Variants in NTRK3 observed in about 807,000 individuals in gnomAD.
The protein encoded by NTRK3 is neurotrophic receptor tyrosine kinase 3, also known as NT-3 growth factor receptor.
NTRK3 carries 24 observed loss-of-function variants against 91.7 expected under a neutral mutation model. The ratio of observed to expected loss-of-function variants is 0.26; its 90% CI spans 0.19 to 0.37. The LOEUF is 0.37. Among genes scored for constraint, NTRK3 ranks in the 10% least tolerant of loss-of-function variants. NTRK3 has a pLI of 1.00. For missense variants in NTRK3, 880 were observed against 1,068.9 expected, an observed-to-expected ratio of 0.82 and a Z score of 2.46; for synonymous variants, 483 against 404.0, an observed-to-expected ratio of 1.20 and a Z score of -2.34.
chr15:87,885,022 C>A (rs1470652062), intron 17 of NTRK3, among the ~76,000 whole-genome samples: 1 of 151,758 alleles, frequency 6.6e-6, no homozygotes, highest in African/African-American at 2.4e-5. Flanking sequence ...CTATTCAAGA[C>A]AATTAACGAA....
At chr15:87,867,422 A>G (rs927196876) in exon 19 of NTRK3, 2 of 229,910 alleles carry the variant, frequency 8.7e-6, no homozygotes, top group Non-Finnish European at 1.7e-5. Context: ...CTGCCATAAA[A>G]CAAAAATGGG....
chr15:88,124,198 C>G (rs1233902008), intron 13 of NTRK3, among the ~76,000 whole-genome samples: 1 of 152,176 alleles, frequency 6.6e-6, no homozygotes, highest in Non-Finnish European at 1.5e-5. Context: ...GCCTATAACT[C>G]CAGTATAACT....
At chr15:88,222,716 G>A (rs1332746828) in intron 3 of NTRK3, among the ~76,000 whole-genome samples, 1 of 152,208 alleles carries the variant, frequency 6.6e-6, no homozygotes, top group Admixed American at 6.5e-5. Flanking sequence ...GTGATTGACT[G>A]CTTCCTGGAG....
rs2051539330 is a variant in NTRK3 at position 88,234,800 on chromosome 15, C to T, written c.248+21106G>A. ...CTAGGACTAAAATCTAACCCCTTCCCACAGCCTGCATGACCCTGCTTGATC... is the reference window on the plus strand; with the variant it reads ...CTAGGACTAAAATCTAACCCCTTCCTACAGCCTGCATGACCCTGCTTGATC... On this transcript the variant is annotated intron_variant, in intron 3 of 18. Transcript: ENST00000394480. The surrounding 1 kb of genome is among the most constrained non-coding windows in gnomAD (Gnocchi z 6.1). Among the ~76,000 whole-genome samples, 1 of 152,198 alleles carries T rather than the reference C, an allele frequency of 6.6e-6. No homozygotes were observed. The highest frequency in any genetic ancestry group is 2.1e-4 in the South Asian group (1 of 4,834).
chr15:88,194,340 C>T (rs1016278175), intron 3 of NTRK3, among the ~76,000 whole-genome samples: 1 of 152,258 alleles, frequency 6.6e-6, no homozygotes, highest in African/African-American at 2.4e-5. Context: ...CGTCCTTGTG[C>T]TGATAGCACT....
intron 7 of NTRK3, 152 bp downstream of exon 7, chr15:88,137,252 A>G: frequency 1.2e-6 from 1 of 821,734 alleles, no homozygotes; most frequent in Non-Finnish European, 2.0e-6. Context: ...GGGAATGATG[A>G]GTCAGGAGGT....
At chr15:87,919,908 T>G (rs761325230) in intron 17 of NTRK3, among the ~76,000 whole-genome samples, 5 of 152,200 alleles carry the variant, frequency 3.3e-5, no homozygotes, top group Non-Finnish European at 5.9e-5. Flanking sequence ...TAAGACAACT[T>G]TGACGTTATT....
chr15:87,941,132 T>C (rs2069801061), intron 14 of NTRK3, among the ~76,000 whole-genome samples: 1 of 152,114 alleles, frequency 6.6e-6, no homozygotes, highest in Non-Finnish European at 1.5e-5. Flanking sequence ...AAAATGAAGA[T>C]TCTAATCCAG....
intron 17 of NTRK3, among the ~76,000 whole-genome samples, chr15:87,883,388 T>C (rs1273791301): frequency 1.3e-5 from 2 of 148,422 alleles, no homozygotes; most frequent in Non-Finnish European, 3.0e-5. Flanking sequence ...ATAATACATA[T>C]ATATGTATAT....
At chr15:88,159,943 TACACACACAC>T (rs59254719) in intron 5 of NTRK3, among the ~76,000 whole-genome samples, 2,039 of 112,034 alleles carry the variant, frequency 0.018, 50 homozygotes, top group African/African-American at 0.054. Flanking sequence ...CCCAGCCTCC[TACACACACAC>T]ACACACACAC....
intron 17 of NTRK3, among the ~76,000 whole-genome samples, chr15:87,893,442 C>A (rs1041610587): frequency 6.6e-6 from 1 of 152,202 alleles, no homozygotes; most frequent in African/African-American, 2.4e-5. Flanking sequence ...CAGAATGCCC[C>A]GCATGGCAGT....
At chr15:87,978,108 G>A (rs556313499) in intron 14 of NTRK3, 127 of 231,350 alleles carry the variant, frequency 5.5e-4, no homozygotes, top group Non-Finnish European at 8.7e-4. Context: ...CTCCACCAAT[G>A]AGTCAGCAAA....
At chr15:88,143,683 T>C (rs1318988410) in intron 6 of NTRK3, among the ~76,000 whole-genome samples, 1 of 152,136 alleles carries the variant, frequency 6.6e-6, no homozygotes, top group Admixed American at 6.5e-5. Context: ...AGGCCAGAAA[T>C]GATCACTATA....
At chr15:88,165,168 T>A (rs535722725) in intron 5 of NTRK3, among the ~76,000 whole-genome samples, 3 of 152,208 alleles carry the variant, frequency 2.0e-5, no homozygotes, top group Non-Finnish European at 4.4e-5. Flanking sequence ...GGCATGTGGA[T>A]GCATGGGCCT....
chr15:88,021,668 G>A (rs1186647233), intron 14 of NTRK3, among the ~76,000 whole-genome samples: 1 of 152,160 alleles, frequency 6.6e-6, no homozygotes, highest in Non-Finnish European at 1.5e-5. Context: ...CTGGAGAGAA[G>A]ATGGAAGAGC....
In NTRK3 at chr15:88,233,713, C is replaced by A. The variant is rs2051415187; in HGVS notation, c.248+22193G>T. 6.6e-6 allele frequency among the ~76,000 whole-genome samples: 1 copy of A among 152,030 alleles called. No individual in the cohort carries two copies. Among genetic ancestry groups the A allele is most frequent in the Non-Finnish European group, 1.5e-5 (1 of 68,000 alleles). ...ACTGCTCTCCTCTCCTCCCTCTCCTCCTGGTCCTCCTTACTCTCCCTTCCT... is the reference window on the plus strand; with the variant it reads ...ACTGCTCTCCTCTCCTCCCTCTCCTACTGGTCCTCCTTACTCTCCCTTCCT... On this transcript the variant is annotated intron_variant, in intron 3 of 18. Transcript: ENST00000394480. This position sits in a 1 kb window ranked among gnomAD's most constrained non-coding sequence, Gnocchi z 4.2.
At chr15:88,102,309 ATAT>A (rs1195490377) in intron 13 of NTRK3, among the ~76,000 whole-genome samples, 1 of 152,224 alleles carries the variant, frequency 6.6e-6, no homozygotes, top group African/African-American at 2.4e-5. Context: ...TATTTTTGGT[ATAT>A]TTAGTTATAC....
At chr15:88,183,012 A>ACCCCCCCCCCCCCCCCCCCCCCCCCCCCC (rs370707792) in intron 5 of NTRK3, among the ~76,000 whole-genome samples, 1 of 119,878 alleles carries the variant, frequency 8.3e-6, no homozygotes, top group Admixed American at 8.6e-5. Flanking sequence ...TCTTCTTGCA[A>ACCCCCCCCCCCCCCCCCCCCCCCCCCCCC]CCCCCCCCCG....
In NTRK3 at chr15:87,875,386, A is replaced by C. The variant is rs147676182; in HGVS notation, c.*1549T>G. On this transcript the variant is annotated 3_prime_UTR_variant, in exon 19 of 19. Transcript: ENST00000394480. ...GCCCAGAGGTCGGCCCCACTGTGGTATGTGGCAGCAGCCAGGAAGGCAGTG... is the reference window on the plus strand; with the variant it reads ...GCCCAGAGGTCGGCCCCACTGTGGTCTGTGGCAGCAGCCAGGAAGGCAGTG... 5.4e-3 allele frequency: 1,238 copies of C among 231,244 alleles called. 20 individuals carry two copies. The highest frequency in any genetic ancestry group is 0.025 in the East Asian group (415 of 16,288). 14.3% of individuals were successfully genotyped at this position (231,244 alleles called of 1,614,324 possible). A position where few individuals can be genotyped will look rare whatever the true frequency, so the allele number is the denominator to read the frequency against.
Sources: allele counts gnomAD v4.1 joint callset (sites outside exome capture counted in the v4.1 genomes callset), GRCh38; gene constraint gnomAD v4.1.1; non-coding constraint Gnocchi (gnomAD v3.1); transcripts MANE v1.5; gene names NCBI Gene and HGNC (gene_info 2026-07-23, HGNC 2026-07-21).